Variants in ABCA8 observed in about 807,000 individuals in gnomAD.
ABCA8 encodes ATP binding cassette subfamily A member 8, also known as ABC-type organic anion transporter ABCA8.
ABCA8 carries 177 observed loss-of-function variants against 192.3 expected under a neutral mutation model. The observed-to-expected ratio is 0.92, with a 90% CI of 0.81 to 1.04. The LOEUF (loss-of-function observed/expected upper bound fraction) is 1.04. Among genes scored for constraint, ABCA8 ranks in the 50% least tolerant of loss-of-function variants. ABCA8 has a pLI of 0.00. For synonymous variants in ABCA8, 642 were observed against 690.2 expected, an observed-to-expected ratio of 0.93 and a Z score of 1.09; for missense variants, 1,915 against 1,904.8, an observed-to-expected ratio of 1.01 and a Z score of -0.10.
chr17:68,937,265 T>G, intron 4 of ABCA8, 150 bp from the exon 5 acceptor site: 2 of 650,748 alleles, frequency 3.1e-6, no homozygotes, highest in Non-Finnish European at 4.9e-6. Flanking sequence ...AAATGTTGGG[T>G]GGGAGAGAAA....
At chr17:68,884,221 T>G in intron 28 of ABCA8, 110 bp downstream of exon 28, 1 of 1,016,136 alleles carries the variant, frequency 9.8e-7, no homozygotes, top group Non-Finnish European at 1.4e-6. Context: ...CCTTGGGCTA[T>G]AGATACCTGT....
intron 17 of ABCA8, among the ~76,000 whole-genome samples, chr17:68,914,006 G>A (rs889234019): frequency 2.6e-5 from 4 of 151,894 alleles, no homozygotes; most frequent in South Asian, 2.1e-4. Context: ...TTCAATGCAT[G>A]GAAATCAATG....
intron 2 of ABCA8, among the ~76,000 whole-genome samples, chr17:68,947,975 T>TA (rs1375314876): frequency 6.6e-6 from 1 of 152,190 alleles, no homozygotes; most frequent in African/African-American, 2.4e-5. Flanking sequence ...AACTCCCACT[T>TA]ACGAGTAAGA....
At chr17:68,889,527 A>C (rs1379722484) in intron 24 of ABCA8, among the ~76,000 whole-genome samples, 2 of 152,134 alleles carry the variant, frequency 1.3e-5, no homozygotes, top group African/African-American at 4.8e-5. Context: ...TTTTATTTCA[A>C]CAATCTCTTT....
intron 19 of ABCA8, 126 bp downstream of exon 19, chr17:68,905,918 A>G (rs2067053369): frequency 1.1e-6 from 1 of 941,228 alleles, no homozygotes; most frequent in East Asian, 2.8e-5. Flanking sequence ...GATGCGTTTC[A>G]TTTTTACACA....
rs138825406 is a variant in ABCA8 at position 68,929,582 on chromosome 17, A to G, written c.918T>C (p.Phe306=). 6.2e-5 allele frequency: 100 copies of G among 1,613,546 alleles called. No individual in the cohort carries two copies. In the African/African-American group the frequency reaches 1.2e-3, roughly 19 times the overall value. The change falls in exon 8 of 40, where the codon TTT becomes TTC. Residue 306 remains phenylalanine (F), a synonymous_variant. Transcript: ENST00000586539. ...TCACCAAAGATAATCCATACAGGAG[A>G]AAGAGGCTGAAGACTACCATGAAGC... is the stretch of plus-strand genomic sequence containing the variant. ...LSGFMVVFSL[F]LLYGLSLVAL...
chr17:68,881,865 T>C lies in ABCA8; in HGVS notation c.3944A>G (p.Lys1315Arg), dbSNP rs1419191965. ...AGTGGAAGATCCCTATGGCCAACCT[T>C]TTCTAACACAGAAGGAGACATTTCT... Reference protein sequence around the residue: ...ATRNVSFCVRKGEVLGLLGHN... With the variant: ...ATRNVSFCVRRGEVLGLLGHN... The change falls in exon 31 of 40, where the codon AAA (lysine) becomes AGA (arginine). Residue 1315 changes from lysine (K) to arginine (R), a missense_variant and splice_region_variant. Lys to Arg is a conservative substitution (Grantham distance 26). Transcript: ENST00000586539. The C allele has an allele frequency of 2.5e-6, 4 of 1,613,406 alleles. No homozygotes were observed. The Admixed American group carries it at 5.0e-5, about 20-fold the overall frequency.
chr17:68,918,576 A>G (rs2067447895), intron 14 of ABCA8, 30 bp from the exon 15 acceptor site: 3 of 1,450,966 alleles, frequency 2.1e-6, no homozygotes, highest in Admixed American at 2.9e-5. Flanking sequence ...TATGTCATAC[A>G]CCAAAATTTA....
In ABCA8 at chr17:68,887,903, T is replaced by TGG. The variant is rs1567830434; in HGVS notation, c.3145-398_3145-397insCC. ...CTCCATATATATATATATATATATA[T>TGG]ATATCCATATATATATATATATTAT... is the stretch of plus-strand genomic sequence containing the variant. On this transcript the variant is annotated intron_variant, in intron 24 of 39. Transcript: ENST00000586539. 4.4e-4 allele frequency among the ~76,000 whole-genome samples: 25 copies of TGG among 56,866 alleles called. 2 individuals carry two copies. The highest frequency in any genetic ancestry group is 3.4e-3 in the African/African-American group (23 of 6,818). 37.3% of individuals were successfully genotyped at this position (56,866 alleles called of 152,430 possible).
intron 39 of ABCA8, 47 bp from the exon 40 acceptor site, chr17:68,868,230 C>T (rs1369851696): frequency 1.9e-6 from 3 of 1,607,502 alleles, no homozygotes; most frequent in African/African-American, 2.7e-5. Context: ...TGCCGTGCTG[C>T]CTCTGCAGCT....
chr17:68,919,546 A>T, intron 13 of ABCA8, 70 bp from the exon 14 acceptor site: 1 of 1,345,658 alleles, frequency 7.4e-7, no homozygotes. Flanking sequence ...CTGTTAATTA[A>T]ATGTACGTAT....
intron 2 of ABCA8, among the ~76,000 whole-genome samples, chr17:68,947,667 C>G (rs1242976868): frequency 6.6e-6 from 1 of 152,244 alleles, no homozygotes; most frequent in African/African-American, 2.4e-5. Flanking sequence ...TCTGTTTCAA[C>G]TTGATCCAAT....
chr17:68,932,597 T>C (rs967628082), intron 6 of ABCA8, 83 bp from the exon 7 acceptor site: 3 of 1,020,492 alleles, frequency 2.9e-6, no homozygotes, highest in Admixed American at 1.9e-5. Flanking sequence ...TTCTTGTGGA[T>C]GTATGATTGG....
chr17:68,941,406 C>T (rs1332860913), intron 3 of ABCA8, among the ~76,000 whole-genome samples: 1 of 152,170 alleles, frequency 6.6e-6, no homozygotes, highest in East Asian at 1.9e-4. Flanking sequence ...CTAGCTATAT[C>T]GATCTGATTT....
At chr17:68,886,139 T>C (rs2066455061) in intron 26 of ABCA8, among the ~76,000 whole-genome samples, 1 of 152,226 alleles carries the variant, frequency 6.6e-6, no homozygotes, top group African/African-American at 2.4e-5. Context: ...AAAGTTGTTG[T>C]ACTTCTAATT....
intron 13 of ABCA8, among the ~76,000 whole-genome samples, chr17:68,920,613 G>A (rs1033318260): frequency 1.3e-5 from 2 of 152,132 alleles, no homozygotes; most frequent in Admixed American, 6.5e-5. Context: ...CCCTAGGTAT[G>A]TGTGTTTGTG....
chr17:68,871,332 A>G (rs2066045370), intron 37 of ABCA8, among the ~76,000 whole-genome samples: 1 of 152,104 alleles, frequency 6.6e-6, no homozygotes, highest in South Asian at 2.1e-4. Context: ...AGCTTTCATG[A>G]CCTAATAATC....
Position 68,906,106 on chromosome 17 carries a change from G to A in ABCA8, c.2336C>T (p.Ser779Phe). 6.3e-7 allele frequency: 1 copy of A among 1,599,798 alleles called. No individual in the cohort carries two copies. The highest frequency in any genetic ancestry group is 8.5e-7 in the Non-Finnish European group (1 of 1,173,354). The change falls in exon 19 of 40, where the codon TCC (serine) becomes TTC (phenylalanine). Residue 779 changes from serine to phenylalanine, a missense_variant. Physicochemically the swap from Ser to Phe is radical, Grantham distance 155 (BLOSUM62 -2). Transcript: ENST00000586539. ...PDLGIENYGV[S>F]MTTLNEVFLK... The stretch of plus-strand genomic sequence containing the variant: ...GAATACTTCATTCAAAGTTGTCATG[G>A]AAACACCATAATTCTCAATTCCTAG...
intron 17 of ABCA8, among the ~76,000 whole-genome samples, chr17:68,914,619 T>C (rs2143578403): frequency 6.6e-6 from 1 of 152,060 alleles, no homozygotes; most frequent in Non-Finnish European, 1.5e-5. Flanking sequence ...GTGAAAACCA[T>C]AAAACATTGA....
Sources: allele counts gnomAD v4.1 joint callset (sites outside exome capture counted in the v4.1 genomes callset), GRCh38; gene constraint gnomAD v4.1.1; transcripts MANE v1.5; gene names NCBI Gene and HGNC (gene_info 2026-07-23, HGNC 2026-07-21).